The following RNF213 variants were observed in gnomAD, a reference collection of about 807,000 sequenced individuals.
RNF213 encodes the protein E3 ubiquitin-protein ligase RNF213.
In RNF213, 341 loss-of-function variants were observed where a neutral mutation model predicts 514.4. The ratio of observed to expected loss-of-function variants is 0.66; its 90% confidence interval spans 0.61 to 0.73. The LOEUF (loss-of-function observed/expected upper bound fraction) is 0.73. Ranked by LOEUF, RNF213 falls within the 30% of genes least tolerant of loss-of-function variation. RNF213 has a pLI of 0.00. For synonymous variants in RNF213, 2,655 were observed against 2,658.2 expected (o/e 1.00, Z 0.04); for missense variants, 5,767 against 6,615.6 (o/e 0.87, Z 4.45).
In RNF213 at chr17:80,345,985, G is replaced by T; in HGVS notation, c.7650G>T (p.Glu2550Asp). ...SAGLGYRVSM[E>D]ETADRLGSIP... ...GTTTGGGCTACAGGGTTAGTATGGA[G>T]GAGACGGCCGACAGGCTGGGCTCCA... The change falls in exon 29 of 68, where the codon GAG becomes GAT. Residue 2550 changes from glutamate to aspartate, a missense_variant. By Grantham distance (45) the Glu-to-Asp change is conservative. Around this residue, in one of 13 missense-constraint regions of RNF213, gnomAD observed 1,377 missense variants for 1,635.2 expected, o/e 0.84. Coordinates refer to ENST00000582970, the MANE Select transcript of RNF213 (RefSeq NM_001256071.3). The surrounding 1 kb of genome is among the most constrained non-coding windows in gnomAD (Gnocchi z 6.0). 6.2e-7 allele frequency: 1 copy of T among 1,614,234 alleles called. No homozygotes were observed. Among genetic ancestry groups the T allele is most frequent in the Non-Finnish European group, 8.5e-7 (1 of 1,180,040 alleles).
rs1013520671 is a variant in RNF213 at position 80,317,540 on chromosome 17, G to A, written c.2901+263G>A. 2.6e-5 allele frequency among the ~76,000 whole-genome samples: 4 copies of A among 152,168 alleles called. No homozygotes were observed. Among genetic ancestry groups the A allele is most frequent in the East Asian group, 1.9e-4 (1 of 5,184 alleles). On this transcript the variant is annotated intron_variant, in intron 16 of 67. Coordinates refer to ENST00000582970, the MANE Select transcript of RNF213 (RefSeq NM_001256071.3). The surrounding 1 kb of genome is among the most constrained non-coding windows in gnomAD (Gnocchi z 4.1). ...GTGCGGGATTTTTCCTGACCCCTTC[G>A]TTGGACTTGCGACAGGGATGCTGTG...
intron 21 of RNF213, among the ~76,000 whole-genome samples, chr17:80,332,980 C>T (rs1455878671): frequency 1.3e-5 from 2 of 151,942 alleles, no homozygotes; most frequent in Non-Finnish European, 2.9e-5. Context: ...GTCGGCTGCC[C>T]AACTGCATCT....
At position 80,382,967 on chromosome 17, in the gene RNF213, G is replaced by A; in HGVS notation, c.13979-12G>A. 7.5e-6 allele frequency: 12 copies of A among 1,599,694 alleles called. No individual in the cohort carries two copies. The highest frequency in any genetic ancestry group is 1.0e-5 in the Non-Finnish European group (12 of 1,166,974). On this transcript the variant is annotated splice_polypyrimidine_tract_variant and intron_variant, in intron 57 of 67. Transcript: ENST00000582970. Reference sequence around the variant, plus strand: ...GCCTTGGGTAACCTACACATTTGGAGTTTTTTTGTAGGGCTTTTAAATTTT... The same window carrying A: ...GCCTTGGGTAACCTACACATTTGGAATTTTTTTGTAGGGCTTTTAAATTTT...
intron 9 of RNF213, 119 bp from the exon 10 acceptor site, chr17:80,295,438 G>A (rs1351628205): frequency 1.6e-6 from 2 of 1,282,358 alleles, no homozygotes; most frequent in African/African-American, 1.5e-5. Context: ...GCTCTCACAG[G>A]TGTGGTGGTG....
Position 80,395,300 on chromosome 17 carries a change from T to C in RNF213, c.*1802T>C, listed in dbSNP as rs2080632461. 1 of 152,218 alleles carries C rather than the reference T, an allele frequency of 6.6e-6. No homozygotes were observed. Among genetic ancestry groups the C allele is most frequent in the Non-Finnish European group, 1.5e-5 (1 of 68,044 alleles). The allele number at this position is 152,218 out of a possible 1,614,324, so 9.4% of individuals were successfully genotyped here. A position where few individuals can be genotyped will look rare whatever the true frequency, so the allele number is the denominator to read the frequency against. ...CACCTGTCTTAATAAACTGGAGTTTTGCTGCTAAAGAACTCTTCTCTCTGG... is the reference window on the plus strand; with the variant it reads ...CACCTGTCTTAATAAACTGGAGTTTCGCTGCTAAAGAACTCTTCTCTCTGG... On this transcript the variant is annotated 3_prime_UTR_variant, in exon 68 of 68. Coordinates refer to ENST00000582970, the MANE Select transcript of RNF213 (RefSeq NM_001256071.3).
chr17:80,372,995 T>G lies in RNF213; in HGVS notation c.12772T>G (p.Cys4258Gly). The G allele has an allele frequency of 5.0e-6, 8 of 1,613,872 alleles. No homozygotes were observed. Among genetic ancestry groups the G allele is most frequent in the Non-Finnish European group, 6.8e-6 (8 of 1,179,936 alleles). The change falls in exon 49 of 68, where the codon TGC (cysteine) becomes GGC (glycine). Residue 4258 changes from cysteine to glycine, a missense_variant. By Grantham distance (159) the Cys-to-Gly change is radical. Around this residue, in one of 13 missense-constraint regions of RNF213, gnomAD observed 1,245 missense variants for 1,339.0 expected, o/e 0.93. Coordinates refer to ENST00000582970, the MANE Select transcript of RNF213 (RefSeq NM_001256071.3). ...GGPEMAKEKQ[C>G]YLQQVKQFCI... is the part of the protein sequence containing the mutation. ...CTCAGAGATGGCCAAGGAGAAGCAGTGCTACCTGCAGCAAGTCAAGCAGTT... is the reference window on the plus strand; with the variant it reads ...CTCAGAGATGGCCAAGGAGAAGCAGGGCTACCTGCAGCAAGTCAAGCAGTT...
At position 80,288,317 on chromosome 17, in the gene RNF213, C is replaced by A; in HGVS notation, c.764C>A (p.Thr255Lys). The A allele has an allele frequency of 6.2e-7, 1 of 1,612,750 alleles. No homozygotes were observed. Among genetic ancestry groups the A allele is most frequent in the Non-Finnish European group, 8.5e-7 (1 of 1,179,964 alleles). ...ESKGGSSEPG[T>K]ELQTTEQQAG... ...AAAGGAGGCAGCTCTGAGCCCGGGA[C>A]AGAACTGCAGACCACCGAGCAACAG... The change falls in exon 4 of 68, where the codon ACA becomes AAA. Residue 255 changes from threonine (T) to lysine (K), a missense_variant. Physicochemically the swap from Thr to Lys is moderately conservative, Grantham distance 78. Around this residue, in one of 13 missense-constraint regions of RNF213, gnomAD observed 509 missense variants for 496.7 expected, o/e 1.02. Coordinates refer to ENST00000582970, the MANE Select transcript of RNF213 (RefSeq NM_001256071.3). This position sits in a 1 kb window ranked among gnomAD's most constrained non-coding sequence, Gnocchi z 4.9.
Position 80,353,795 on chromosome 17 carries a change from T to C in RNF213, c.10578+129T>C, listed in dbSNP as rs912495887. On this transcript the variant is annotated intron_variant, in intron 34 of 67. Transcript: ENST00000582970. The surrounding 1 kb of genome is among the most constrained non-coding windows in gnomAD (Gnocchi z 5.0). ...TGCAGGGGTGAGGATGGCGCCCCAC[T>C]TTCCTCACACAGTGACGGTCTTGTT... The C allele has an allele frequency of 5.3e-6, 7 of 1,330,914 alleles. No homozygotes were observed. The highest frequency in any genetic ancestry group is 6.4e-6 in the Non-Finnish European group (6 of 933,210). 82.4% of individuals were successfully genotyped at this position (1,330,914 alleles called of 1,614,324 possible). A position where few individuals can be genotyped will look rare whatever the true frequency, so the allele number is the denominator to read the frequency against.
chr17:80,272,884 A>G (rs148461738), intron 2 of RNF213, among the ~76,000 whole-genome samples: 109 of 152,306 alleles, frequency 7.2e-4, no homozygotes, highest in African/African-American at 2.3e-3. Context: ...AGGAATGTCT[A>G]CAGTAGGGGA....
intron 39 of RNF213, 124 bp downstream of exon 39, chr17:80,362,012 G>C (rs1331133105): frequency 8.8e-7 from 1 of 1,141,160 alleles, no homozygotes; most frequent in Non-Finnish European, 1.3e-6. Context: ...AACAGAACAT[G>C]GTCAGCGAAG....
rs575052394 is a variant in RNF213, at chr17:80,354,797, C to T, written c.10862+221C>T. 1.2e-4 allele frequency: 74 copies of T among 602,716 alleles called. 1 individual carries two copies. The highest frequency in any genetic ancestry group is 8.9e-4 in the Middle Eastern group (2 of 2,248). The allele number at this position is 602,716 out of a possible 1,614,324, so 37.3% of individuals were successfully genotyped here. On this transcript the variant is annotated intron_variant, in intron 36 of 67. Transcript: ENST00000582970. ...GACTCTTCCTCTAATTTCGTGTTTA[C>T]AGTTTTTCATACTAAAAACTTAAAA...
Position 80,343,045 on chromosome 17 carries a change from T to C in RNF213, c.5990-87T>C, listed in dbSNP as rs2078206120. On this transcript the variant is annotated intron_variant, in intron 26 of 67. Transcript: ENST00000582970. The surrounding 1 kb of genome is among the most constrained non-coding windows in gnomAD (Gnocchi z 4.3). ...CTGGCTTTGAACTCCTGACCTCAAG[T>C]GATCCCCCCGCCTCGGCCTCCCAAA... 5 of 1,083,040 alleles carry C rather than the reference T, an allele frequency of 4.6e-6. No individual in the cohort carries two copies. Among genetic ancestry groups the C allele is most frequent in the Non-Finnish European group, 5.6e-6 (4 of 708,896 alleles). 67.1% of individuals were successfully genotyped at this position (1,083,040 alleles called of 1,614,324 possible). A position where few individuals can be genotyped will look rare whatever the true frequency, so the allele number is the denominator to read the frequency against.
chr17:80,295,943 A>C, intron 10 of RNF213, 130 bp downstream of exon 10: 1 of 981,358 alleles, frequency 1.0e-6, no homozygotes. Context: ...TGATTTTACC[A>C]CTCACTGTGG....
rs1475618573 is a variant in RNF213 at position 80,350,404 on chromosome 17, T to C, written c.10184+8T>C. Reference sequence around the variant, plus strand: ...GCTCATTGCCTCAGCTAAGTATGTTTTTAGTATTTTTCTCAGAAACTATGT... The same window carrying C: ...GCTCATTGCCTCAGCTAAGTATGTTCTTAGTATTTTTCTCAGAAACTATGT... On this transcript the variant is annotated splice_region_variant and intron_variant, in intron 31 of 67. Transcript: ENST00000582970. 1.3e-6 allele frequency: 2 copies of C among 1,573,864 alleles called. No homozygotes were observed. The highest frequency in any genetic ancestry group is 1.7e-6 in the Non-Finnish European group (2 of 1,143,684).
intron 17 of RNF213, chr17:80,320,508 A>C (rs1021050843): frequency 6.6e-6 from 1 of 152,026 alleles, no homozygotes; most frequent in African/African-American, 2.4e-5. Flanking sequence ...CTTTTTGTTT[A>C]AAGAGTCTTT....
In RNF213 at chr17:80,353,157, CGT is replaced by C; in HGVS notation, c.10423+101_10423+102del. 6.6e-7 allele frequency: 1 copy of C among 1,522,144 alleles called. No homozygotes were observed. The highest frequency in any genetic ancestry group is 9.0e-7 in the Non-Finnish European group (1 of 1,111,188). The allele number at this position is 1,522,144 out of a possible 1,614,324, so 94.3% of individuals were successfully genotyped here. ...CACATGGCACTAGGAGCAGGGCCAC[CGT>C]GTTTCGTCCCTCGGCAGGAGCTCGG... On this transcript the variant is annotated intron_variant, in intron 33 of 67. Coordinates refer to ENST00000582970, the MANE Select transcript of RNF213 (RefSeq NM_001256071.3). The surrounding 1 kb of genome is among the most constrained non-coding windows in gnomAD (Gnocchi z 5.0).
rs200011985 is a variant in RNF213 at position 80,389,996 on chromosome 17, T to C, written c.15286-16T>C. 7.4e-6 allele frequency: 12 copies of C among 1,614,106 alleles called. No individual in the cohort carries two copies. Among genetic ancestry groups the C allele is most frequent in the East Asian group, 2.2e-5 (1 of 44,896 alleles). On this transcript the variant is annotated splice_polypyrimidine_tract_variant and intron_variant, in intron 66 of 67. Transcript: ENST00000582970. Reference sequence around the variant, plus strand: ...CTGCAGGCTTTAATGCTTCATTTGCTCTTCCGTCGTTTTAGGAGCCATTTG... The same window carrying C: ...CTGCAGGCTTTAATGCTTCATTTGCCCTTCCGTCGTTTTAGGAGCCATTTG...
In RNF213 at chr17:80,346,767, C is replaced by G; in HGVS notation, c.8432C>G (p.Pro2811Arg). Residue 2811 changes from proline to arginine, a missense_variant, in exon 29 of 68, where the codon CCG (proline) becomes CGG (arginine). Pro to Arg is a moderately radical substitution (Grantham distance 103). Coordinates refer to ENST00000582970, the MANE Select transcript of RNF213 (RefSeq NM_001256071.3). The surrounding 1 kb of genome is among the most constrained non-coding windows in gnomAD (Gnocchi z 8.1). ...CACCTGGTGTCCTTCCAGTGCAGCC[C>G]GCACTCCACCCCACAGGGCATCATC... ...QVHLVSFQCSPHSTPQGIIST... is the reference protein window; with the variant it reads ...QVHLVSFQCSRHSTPQGIIST... 6.2e-7 allele frequency: 1 copy of G among 1,613,592 alleles called. No individual in the cohort carries two copies. The highest frequency in any genetic ancestry group is 8.5e-7 in the Non-Finnish European group (1 of 1,179,976).
chr17:80,364,188 C>T (rs536922113), intron 41 of RNF213, among the ~76,000 whole-genome samples: 33 of 152,300 alleles, frequency 2.2e-4, no homozygotes, highest in African/African-American at 6.7e-4. Flanking sequence ...ATGCAGTGAG[C>T]GGGTTGTGGT....
Sources: gnomAD v4.1 joint callset for allele counts (sites outside exome capture counted in the v4.1 genomes callset) on GRCh38, gnomAD v4.1.1 for gene constraint, gnomAD v4.1.1 regional missense constraint, Gnocchi (gnomAD v3.1) non-coding constraint, MANE v1.5 for transcripts, NCBI Gene and HGNC (gene_info 2026-07-23, HGNC 2026-07-21) for gene names.